ACOXL: variants seen among roughly 807,000 people sequenced by gnomAD.
ACOXL encodes the protein acyl-CoA oxidase like.
A neutral mutation model predicts 71.9 loss-of-function variants in ACOXL; 70 were observed. The ratio of observed to expected loss-of-function variants is 0.97; its 90% CI spans 0.80 to 1.19. The LOEUF is 1.19. ACOXL is among the 50% of genes most tolerant of loss of function. The pLI is 0.00. For missense variants in ACOXL, 703 were observed against 736.3 expected (o/e 0.95, Z 0.52); for synonymous variants, 253 against 281.6 (o/e 0.90, Z 1.02).
chr2:110,930,918 G>T (rs1317683385), intron 11 of ACOXL, among the ~76,000 whole-genome samples: 1 of 152,250 alleles, frequency 6.6e-6, no homozygotes, highest in South Asian at 2.1e-4. Flanking sequence ...CCAGTGTCAG[G>T]TATGTCTTTA....
chr2:110,900,105 A>G (rs913091033), intron 10 of ACOXL, among the ~76,000 whole-genome samples: 2 of 78,036 alleles, frequency 2.6e-5, no homozygotes, highest in Non-Finnish European at 7.0e-5. Flanking sequence ...ACACACACAC[A>G]CACACACACA....
intron 14 of ACOXL, among the ~76,000 whole-genome samples, chr2:111,003,213 C>T (rs951006308): frequency 1.3e-5 from 2 of 151,890 alleles, no homozygotes; most frequent in Admixed American, 6.6e-5. Context: ...ATAAAATAAA[C>T]GTTAGGCATG....
intron 12 of ACOXL, among the ~76,000 whole-genome samples, chr2:110,986,132 A>G (rs1399708657): frequency 6.6e-6 from 1 of 152,262 alleles, no homozygotes; most frequent in Non-Finnish European, 1.5e-5. Context: ...ATTTATCAAA[A>G]CAAAAGTATA....
intron 1 of ACOXL, among the ~76,000 whole-genome samples, chr2:110,753,202 CCTTCTA>C (rs1233754743): frequency 1.3e-5 from 2 of 152,276 alleles, no homozygotes; most frequent in East Asian, 3.9e-4. Flanking sequence ...TCCCCTTTTG[CCTTCTA>C]CTTCTACCAT....
chr2:110,964,053 T>C (rs1398212881), intron 12 of ACOXL, among the ~76,000 whole-genome samples: 1 of 152,212 alleles, frequency 6.6e-6, no homozygotes, highest in Non-Finnish European at 1.5e-5. Context: ...ATCAGCCTCC[T>C]AATGATCAAG....
chr2:111,117,724 C>T lies in ACOXL; in HGVS notation c.1651C>T (p.Arg551Trp). Residue 551 changes from arginine (R) to tryptophan (W), a missense_variant, in exon 18 of 18, where the codon CGG becomes TGG. Coordinates refer to ENST00000439055, the MANE Select transcript of ACOXL (RefSeq NM_001142807.4). Reference protein sequence around the residue: ...HAPIAGISNPRAAWAFYPAPL... With the variant: ...HAPIAGISNPWAAWAFYPAPL... ...ACCAATCGCCGGAATCTCCAACCCGCGGGCCGCGTGGGCTTTCTACCCTGC... is the reference window on the plus strand; with the variant it reads ...ACCAATCGCCGGAATCTCCAACCCGTGGGCCGCGTGGGCTTTCTACCCTGC... 1 of 1,551,744 alleles carries T rather than the reference C, an allele frequency of 6.4e-7. No individual in the cohort carries two copies. Among genetic ancestry groups the T allele is most frequent in the Non-Finnish European group, 8.7e-7 (1 of 1,147,016 alleles).
At chr2:111,034,093 G>A (rs771184893) in intron 15 of ACOXL, among the ~76,000 whole-genome samples, 1 of 152,146 alleles carries the variant, frequency 6.6e-6, no homozygotes, top group Non-Finnish European at 1.5e-5. Flanking sequence ...TTCAGATCCC[G>A]GCTTTACCTC....
intron 14 of ACOXL, among the ~76,000 whole-genome samples, chr2:111,000,233 G>A (rs75077667): frequency 0.019 from 2,921 of 152,282 alleles, 87 homozygotes; most frequent in African/African-American, 0.067. Flanking sequence ...TTACGTAGTG[G>A]CATAGCTGTA....
intron 12 of ACOXL, among the ~76,000 whole-genome samples, chr2:110,970,590 T>C (rs1050872725): frequency 2.0e-5 from 3 of 152,234 alleles, no homozygotes; most frequent in African/African-American, 4.8e-5. Flanking sequence ...GAATGTCCAC[T>C]GTTATTCAAC....
chr2:110,907,456 C>T lies in ACOXL; in HGVS notation c.789-1333C>T, dbSNP rs574411897. Among the ~76,000 whole-genome samples, 578 of 152,104 alleles carry T rather than the reference C, an allele frequency of 3.8e-3. 4 individuals carry two copies. The highest frequency in any genetic ancestry group is 0.024 in the Middle Eastern group (7 of 294). The stretch of plus-strand genomic sequence containing the variant: ...CTTTGGGATTTTTTTTTGTTATTTT[C>T]ACCGTGATCCAGCAAAAGCTGAGAG... On this transcript the variant is annotated intron_variant, in intron 10 of 17. Coordinates refer to ENST00000439055, the MANE Select transcript of ACOXL (RefSeq NM_001142807.4).
In ACOXL at chr2:110,982,472, C is replaced by T. The variant is rs529319501; in HGVS notation, c.1060-4636C>T. Among the ~76,000 whole-genome samples, 7 of 151,976 alleles carry T rather than the reference C, an allele frequency of 4.6e-5. No homozygotes were observed. In the South Asian group the frequency reaches 1.5e-3, roughly 32 times the overall value. On this transcript the variant is annotated intron_variant, in intron 12 of 17. Transcript: ENST00000439055. ...TCCCTTCCATCTCTGCCTATTTCTT[C>T]TAGCCAGGGAATTTTTAAAGATTCT...
intron 11 of ACOXL, among the ~76,000 whole-genome samples, 200 bp from the exon 12 acceptor site, chr2:110,933,289 A>C (rs923415526): frequency 2.0e-5 from 3 of 152,206 alleles, no homozygotes; most frequent in Non-Finnish European, 4.4e-5. Context: ...TTGACTAATT[A>C]AATAATTTTT....
At chr2:111,112,888 TC>T (rs2070091034) in intron 17 of ACOXL, 2 of 152,212 alleles carry the variant, frequency 1.3e-5, no homozygotes, top group South Asian at 4.1e-4. Flanking sequence ...GCTGGACTTT[TC>T]ACATGGTAGC....
chr2:110,869,735 A>T (rs1166830725), intron 10 of ACOXL, among the ~76,000 whole-genome samples: 1 of 152,216 alleles, frequency 6.6e-6, no homozygotes, highest in Non-Finnish European at 1.5e-5. Context: ...CCACACCCTG[A>T]GCCACTGTGC....
At chr2:111,014,213 G>A (rs903024228) in intron 14 of ACOXL, among the ~76,000 whole-genome samples, 1 of 152,238 alleles carries the variant, frequency 6.6e-6, no homozygotes, top group Non-Finnish European at 1.5e-5. Context: ...ACATTGTATT[G>A]GAGGGCCTAG....
intron 15 of ACOXL, among the ~76,000 whole-genome samples, chr2:111,036,088 C>T (rs2065496958): frequency 1.3e-5 from 2 of 152,236 alleles, no homozygotes; most frequent in South Asian, 4.1e-4. Flanking sequence ...GAAGGACAAA[C>T]CCGACTTGGG....
intron 9 of ACOXL, 101 bp downstream of exon 9, chr2:110,805,496 G>C (rs999312418): frequency 6.6e-7 from 1 of 1,509,608 alleles, no homozygotes; most frequent in African/African-American, 1.4e-5. Flanking sequence ...GCCACAGTTG[G>C]TATAATATGG....
intron 9 of ACOXL, among the ~76,000 whole-genome samples, chr2:110,836,513 G>C (rs1005778491): frequency 1.3e-5 from 2 of 152,052 alleles, no homozygotes; most frequent in Non-Finnish European, 1.5e-5. Flanking sequence ...TGTTTGAGTG[G>C]TATTATGTGG....
chr2:111,083,003 G>C (rs2068007963), intron 16 of ACOXL, among the ~76,000 whole-genome samples: 1 of 152,064 alleles, frequency 6.6e-6, no homozygotes, highest in African/African-American at 2.4e-5. Context: ...ATGGACACAG[G>C]GAGGGGAAGA....
Sources: allele counts gnomAD v4.1 joint callset (sites outside exome capture counted in the v4.1 genomes callset), GRCh38; gene constraint gnomAD v4.1.1; transcripts MANE v1.5; gene names NCBI Gene and HGNC (gene_info 2026-07-23, HGNC 2026-07-21).